DAAM2: variants seen among roughly 807,000 people sequenced by gnomAD.
DAAM2 encodes disheveled-associated activator of morphogenesis 2.
Under a neutral mutation model 120.7 loss-of-function variants are expected in DAAM2, and 39 were observed. The ratio of observed to expected loss-of-function variants is 0.32; its 90% CI spans 0.25 to 0.42. The LOEUF (loss-of-function observed/expected upper bound fraction) is 0.42. Ranked by LOEUF, DAAM2 falls within the 10% of genes least tolerant of loss-of-function variation. The pLI is 1.00. For missense variants in DAAM2, 1,283 were observed against 1,401.7 expected (o/e 0.92, Z 1.35); for synonymous variants, 488 against 524.9 (o/e 0.93, Z 0.96).
At chr6:39,825,930 G>A (rs1021641545) in intron 1 of DAAM2, among the ~76,000 whole-genome samples, 9 of 152,160 alleles carry the variant, frequency 5.9e-5, no homozygotes, top group Non-Finnish European at 1.0e-4. Context: ...ACATTATTTG[G>A]GCTTTGTGAA....
At chr6:39,871,945 A>G (rs1322813977) in intron 9 of DAAM2, among the ~76,000 whole-genome samples, 4 of 152,206 alleles carry the variant, frequency 2.6e-5, no homozygotes, top group Non-Finnish European at 5.9e-5. Context: ...GGAATCCAAA[A>G]GCTGGAGAGC....
At chr6:39,805,552 AG>A (rs1761983788) in intron 1 of DAAM2, among the ~76,000 whole-genome samples, 1 of 141,272 alleles carries the variant, frequency 7.1e-6, no homozygotes, top group Non-Finnish European at 1.6e-5. Flanking sequence ...AAGTATCCTA[AG>A]GTTATTTTTT....
In DAAM2 at chr6:39,843,830, G is replaced by A. The variant is rs935589985; in HGVS notation, c.-56-12417G>A. 2.0e-5 allele frequency among the ~76,000 whole-genome samples: 3 copies of A among 152,138 alleles called. No homozygotes were observed. In the South Asian group the frequency reaches 6.2e-4, roughly 32 times the overall value. On this transcript the variant is annotated intron_variant, in intron 1 of 24. Transcript: ENST00000274867. ...TGAGTTCTTTCCTGTGAGCTGGGATGGGGAGATGGGGAAGAGATGGGAAGT... is the reference window on the plus strand; with the variant it reads ...TGAGTTCTTTCCTGTGAGCTGGGATAGGGAGATGGGGAAGAGATGGGAAGT...
intron 1 of DAAM2, among the ~76,000 whole-genome samples, chr6:39,845,635 A>C (rs1032628554): frequency 7.2e-5 from 11 of 151,884 alleles, no homozygotes; most frequent in Non-Finnish European, 1.5e-4. Context: ...ATATGCATTC[A>C]TGTCTTCTCT....
intron 15 of DAAM2, chr6:39,884,304 A>G: frequency 2.1e-6 from 1 of 475,378 alleles, no homozygotes; most frequent in Non-Finnish European, 3.8e-6. Context: ...GTAGAGGTGC[A>G]CAGACCATAG....
intron 22 of DAAM2, among the ~76,000 whole-genome samples, chr6:39,899,362 T>C (rs1446548116): frequency 6.6e-6 from 1 of 152,196 alleles, no homozygotes; most frequent in Non-Finnish European, 1.5e-5. Context: ...AGGTCTTTTG[T>C]TCCCACCATT....
intron 17 of DAAM2, 60 bp downstream of exon 17, chr6:39,888,823 C>A: frequency 1.5e-6 from 2 of 1,326,772 alleles, no homozygotes; most frequent in South Asian, 1.3e-5. Context: ...CGCCCCTTCC[C>A]AACAGCCCCC....
chr6:39,821,333 C>A lies in DAAM2; in HGVS notation c.-57+28868C>A, dbSNP rs1247142540. The A allele has an allele frequency of 2.0e-5, 3 of 152,292 alleles. No homozygotes were observed. In the East Asian group the frequency reaches 5.8e-4, roughly 29 times the overall value. The allele number at this position is 152,292 out of a possible 1,614,324, so 9.4% of individuals were successfully genotyped here. Reference sequence around the variant, plus strand: ...CACACCCCACCCCAGGAATCCATGCCCACAGAAGGACTCCCTGTCTGCAGC... The same window carrying A: ...CACACCCCACCCCAGGAATCCATGCACACAGAAGGACTCCCTGTCTGCAGC... On this transcript the variant is annotated intron_variant, in intron 1 of 24. Transcript: ENST00000274867.
chr6:39,890,862 G>A (rs915967508), intron 17 of DAAM2, among the ~76,000 whole-genome samples: 3 of 152,204 alleles, frequency 2.0e-5, no homozygotes, highest in Non-Finnish European at 4.4e-5. Context: ...GCTGAAGTGA[G>A]AGGACTGCTT....
At chr6:39,842,616 G>T (rs1466313057) in intron 1 of DAAM2, among the ~76,000 whole-genome samples, 1 of 152,134 alleles carries the variant, frequency 6.6e-6, no homozygotes, top group Non-Finnish European at 1.5e-5. Context: ...CGGGGCAACA[G>T]ACAGAGACTC....
At chr6:39,860,903 G>A (rs763749140) in intron 2 of DAAM2, 25 bp from the exon 3 acceptor site, 37 of 1,587,224 alleles carry the variant, frequency 2.3e-5, no homozygotes, top group Middle Eastern at 3.3e-4. Flanking sequence ...AGTGTCAGAC[G>A]TATTTTTTCT....
intron 19 of DAAM2, among the ~76,000 whole-genome samples, chr6:39,893,281 C>T (rs575436211): frequency 2.0e-5 from 3 of 152,292 alleles, no homozygotes; most frequent in African/African-American, 4.8e-5. Flanking sequence ...CTTTGGGAGG[C>T]CAAGGCGGGC....
intron 1 of DAAM2, among the ~76,000 whole-genome samples, chr6:39,854,290 G>A (rs1224729804): frequency 1.3e-5 from 2 of 152,194 alleles, no homozygotes; most frequent in African/African-American, 4.8e-5. Flanking sequence ...TTTCCCAAAT[G>A]GTCAAGAAAT....
intron 19 of DAAM2, among the ~76,000 whole-genome samples, chr6:39,892,129 TG>T (rs1222962472): frequency 2.0e-5 from 3 of 152,216 alleles, no homozygotes; most frequent in African/African-American, 7.2e-5. Context: ...AGTTTAAGTG[TG>T]AGCCATTCAG....
rs1215272983 is a variant in DAAM2, at chr6:39,792,396, AG to A, written c.-125del. On this transcript the variant is annotated 5_prime_UTR_variant, in exon 1 of 25. Coordinates refer to ENST00000274867, the MANE Select transcript of DAAM2 (RefSeq NM_001201427.2). ...CCGGGGATAGCGCGGAGCACGCAGC[AG>A]CGAGCGGAGCGCGGGCGGCGGCGCC... The A allele has an allele frequency of 1.3e-5, 2 of 152,184 alleles. No homozygotes were observed. Among genetic ancestry groups the A allele is most frequent in the Admixed American group, 1.3e-4 (2 of 15,266 alleles). The allele number at this position is 152,184 out of a possible 1,614,324, so 9.4% of individuals were successfully genotyped here. A position where few individuals can be genotyped will look rare whatever the true frequency, so the allele number is the denominator to read the frequency against.
chr6:39,884,128 C>T (rs1474068731), intron 15 of DAAM2, 59 bp downstream of exon 15: 2 of 895,888 alleles, frequency 2.2e-6, no homozygotes, highest in Non-Finnish European at 1.8e-6. Context: ...ACCTCAGCTT[C>T]TCCTTTTCTT....
chr6:39,831,815 GC>G, intron 1 of DAAM2, among the ~76,000 whole-genome samples: 1 of 92,226 alleles, frequency 1.1e-5, no homozygotes, highest in Non-Finnish European at 2.3e-5. Context: ...CAGGTGCAGT[GC>G]AGGGACCAGA....
intron 1 of DAAM2, among the ~76,000 whole-genome samples, chr6:39,845,363 T>C (rs1293548942): frequency 7.7e-3 from 1 of 130 alleles, no homozygotes; most frequent in Non-Finnish European, 0.015. Flanking sequence ...ACATCACACA[T>C]GCACAAACAT....
chr6:39,795,937 G>A (rs1761686817), intron 1 of DAAM2, among the ~76,000 whole-genome samples: 1 of 152,112 alleles, frequency 6.6e-6, no homozygotes, highest in Admixed American at 6.6e-5. Context: ...AGGGAGGTGG[G>A]GGTAGGGCAG....
Sources: gnomAD v4.1 joint callset for allele counts (sites outside exome capture counted in the v4.1 genomes callset) on GRCh38, gnomAD v4.1.1 for gene constraint, MANE v1.5 for transcripts, NCBI Gene and HGNC (gene_info 2026-07-23, HGNC 2026-07-21) for gene names.